PRKCH: variants seen among roughly 807,000 people sequenced by gnomAD.
PRKCH encodes the protein protein kinase C eta.
A neutral mutation model predicts 82.5 loss-of-function variants in PRKCH; 28 were observed. That is an observed-to-expected ratio of 0.34 (90% CI 0.25 to 0.47). The LOEUF (loss-of-function observed/expected upper bound fraction) is 0.47, where lower values mean the gene tolerates loss of function less well. PRKCH is among the 20% of genes least tolerant of loss of function. PRKCH has a pLI of 1.00. For missense variants in PRKCH, 705 were observed against 881.8 expected, an observed-to-expected ratio of 0.80 and a Z score of 2.54; for synonymous variants, 322 against 327.4, an observed-to-expected ratio of 0.98 and a Z score of 0.18.
intron 10 of PRKCH, among the ~76,000 whole-genome samples, chr14:61,527,749 G>A (rs11158352): frequency 0.071 from 10,869 of 152,150 alleles, 501 homozygotes; most frequent in South Asian, 0.12. Flanking sequence ...CATGGCCCCA[G>A]CACTCCTCTG....
intron 1 of PRKCH, among the ~76,000 whole-genome samples, chr14:61,225,741 C>G (rs1594860969): frequency 2.7e-5 from 4 of 147,804 alleles, no homozygotes; most frequent in Admixed American, 2.7e-4. Context: ...GGAAGATATA[C>G]TTTTTTTTTT....
At position 61,550,938 on chromosome 14, in the gene PRKCH, A is replaced by C. The variant is rs1445901156; in HGVS notation, c.*1107A>C. The C allele has an allele frequency of 6.6e-6, 1 of 152,236 alleles. No individual in the cohort carries two copies. The highest frequency in any genetic ancestry group is 2.4e-5 in the African/African-American group (1 of 41,464). 9.4% of individuals were successfully genotyped at this position (152,236 alleles called of 1,614,324 possible). On this transcript the variant is annotated 3_prime_UTR_variant, in exon 14 of 14. Transcript: ENST00000332981. ...ATGTACCCGAATATACAGTTCAAGA[A>C]TTTTGTCTGACTGGAAATAAATGCA...
At chr14:61,267,050 T>G (rs918448960) in intron 1 of PRKCH, among the ~76,000 whole-genome samples, 1 of 152,216 alleles carries the variant, frequency 6.6e-6, no homozygotes, top group African/African-American at 2.4e-5. Flanking sequence ...CACAGCATGT[T>G]TTCCATTCTT....
chr14:61,281,263 G>T, intron 1 of PRKCH: 1 of 560,242 alleles, frequency 1.8e-6, no homozygotes, highest in Non-Finnish European at 2.7e-6. Flanking sequence ...TTTCCCGCCA[G>T]CTCAGGTGGG....
chr14:61,402,057 T>C (rs1317131840), intron 2 of PRKCH, among the ~76,000 whole-genome samples: 1 of 152,234 alleles, frequency 6.6e-6, no homozygotes, highest in African/African-American at 2.4e-5. Flanking sequence ...TATCCACCAT[T>C]GTGAGCTTGA....
chr14:61,458,664 G>C (rs1023972359), intron 9 of PRKCH, among the ~76,000 whole-genome samples: 2 of 152,296 alleles, frequency 1.3e-5, no homozygotes, highest in African/African-American at 4.8e-5. Flanking sequence ...AGTTCCACAG[G>C]CCGTACAGGA....
chr14:61,302,575 A>G (rs769302334), intron 1 of PRKCH, among the ~76,000 whole-genome samples: 1 of 152,196 alleles, frequency 6.6e-6, no homozygotes, highest in Non-Finnish European at 1.5e-5. Flanking sequence ...ACAAATTTTG[A>G]TTTTTAAAAT....
At chr14:61,540,383 A>C (rs1225241665) in intron 12 of PRKCH, among the ~76,000 whole-genome samples, 1 of 152,204 alleles carries the variant, frequency 6.6e-6, no homozygotes, top group Admixed American at 6.5e-5. Flanking sequence ...TGTCGGTCCA[A>C]GTATCTTAAC....
intron 9 of PRKCH, among the ~76,000 whole-genome samples, chr14:61,461,904 T>G (rs184559753): frequency 3.3e-5 from 5 of 152,334 alleles, no homozygotes; most frequent in African/African-American, 1.2e-4. Flanking sequence ...TTGAAGTCTA[T>G]TTTTCCTAGT....
chr14:61,386,287 T>C (rs975522110), intron 1 of PRKCH, among the ~76,000 whole-genome samples: 9 of 152,204 alleles, frequency 5.9e-5, no homozygotes, highest in African/African-American at 2.2e-4. Context: ...GACCTTATCA[T>C]GGACAGGAGA....
intron 1 of PRKCH, among the ~76,000 whole-genome samples, chr14:61,364,632 C>A (rs990291739): frequency 6.6e-6 from 1 of 151,800 alleles, no homozygotes; most frequent in Non-Finnish European, 1.5e-5. Context: ...CTCAGGAGTT[C>A]GAGAGACCAG....
intron 1 of PRKCH, among the ~76,000 whole-genome samples, chr14:61,266,247 G>A (rs1015365389): frequency 1.3e-5 from 2 of 150,680 alleles, no homozygotes; most frequent in Non-Finnish European, 3.0e-5. Context: ...GTGAAACCCC[G>A]ACTCTACTAA....
chr14:61,429,767 TTATTAAAATTTTAAAA>T lies in PRKCH; in HGVS notation c.428-13332_428-13317del, dbSNP rs551594509. Among the ~76,000 whole-genome samples the T allele has an allele frequency of 6.6e-4, 101 of 152,328 alleles. 1 individual carries two copies. In the South Asian group the frequency reaches 7.9e-3, roughly 12 times the overall value. On this transcript the variant is annotated intron_variant, in intron 2 of 13. Transcript: ENST00000332981. Reference sequence around the variant, plus strand: ...CAGAAACAATGTAATTTGAATTATCTTATTAAAATTTTAAAATATTAAAATTTAACTAGTTTCTCTT... The same window carrying T: ...CAGAAACAATGTAATTTGAATTATCTTATTAAAATTTAACTAGTTTCTCTT...
intron 1 of PRKCH, among the ~76,000 whole-genome samples, chr14:61,219,159 A>G (rs924654475): frequency 6.6e-6 from 1 of 152,254 alleles, no homozygotes; most frequent in Non-Finnish European, 1.5e-5. Context: ...TAGGTGTGTT[A>G]TAGGGGCTCA....
chr14:61,263,847 TTGTGTGTGTGTGTGTG>T (rs56280986), intron 1 of PRKCH, among the ~76,000 whole-genome samples: 12,565 of 144,238 alleles, frequency 0.087, 1,085 homozygotes, highest in African/African-American at 0.22. Context: ...AGTCAGAGTA[TTGTGTGTGTGTGTGTG>T]TGTGTGTGTG....
intron 10 of PRKCH, among the ~76,000 whole-genome samples, chr14:61,523,300 T>C (rs12432237): frequency 0.11 from 16,800 of 152,306 alleles, 1,344 homozygotes; most frequent in East Asian, 0.22. Context: ...CATTTCATAG[T>C]AATATGCATA....
At chr14:61,250,589 G>C (rs534651411) in intron 1 of PRKCH, among the ~76,000 whole-genome samples, 1 of 152,176 alleles carries the variant, frequency 6.6e-6, no homozygotes, top group Non-Finnish European at 1.5e-5. Context: ...AGGTTAGGGG[G>C]AGGAGGGGAC....
At chr14:61,376,594 C>T (rs1290006397) in intron 1 of PRKCH, among the ~76,000 whole-genome samples, 6 of 152,182 alleles carry the variant, frequency 3.9e-5, no homozygotes, top group Non-Finnish European at 8.8e-5. Context: ...TCCTTAGCCA[C>T]CAAGTCCTGC....
chr14:61,217,403 C>A (rs1023059605), intron 1 of PRKCH, among the ~76,000 whole-genome samples: 14 of 151,938 alleles, frequency 9.2e-5, no homozygotes, highest in Non-Finnish European at 2.9e-5. Context: ...CGGAGCAAGA[C>A]CCTGTCTCAA....
Sources: allele counts gnomAD v4.1 joint callset (sites outside exome capture counted in the v4.1 genomes callset), GRCh38; gene constraint gnomAD v4.1.1; transcripts MANE v1.5; gene names NCBI Gene and HGNC (gene_info 2026-07-23, HGNC 2026-07-21).